Variants in PLEKHM3 observed in about 807,000 individuals in gnomAD.
PLEKHM3 encodes pleckstrin homology domain containing M3.
Under a neutral mutation model 81.8 loss-of-function variants are expected in PLEKHM3, and 45 were observed. That is an observed-to-expected ratio of 0.55 (90% CI 0.43 to 0.71). PLEKHM3 has a LOEUF of 0.71. PLEKHM3 is among the 30% of genes least tolerant of loss of function. PLEKHM3 has a pLI of 0.00. For synonymous variants in PLEKHM3, 352 were observed against 356.4 expected, an observed-to-expected ratio of 0.99 and a Z score of 0.14; for missense variants, 788 against 924.3, an observed-to-expected ratio of 0.85 and a Z score of 1.91.
chr2:207,965,527 G>A (rs978109595), intron 3 of PLEKHM3, among the ~76,000 whole-genome samples: 3 of 152,072 alleles, frequency 2.0e-5, no homozygotes, highest in South Asian at 4.1e-4. Flanking sequence ...CTTCTATGAT[G>A]AGAATACCAG....
intron 6 of PLEKHM3, among the ~76,000 whole-genome samples, chr2:207,870,752 G>C (rs950967369): frequency 6.6e-6 from 1 of 152,154 alleles, no homozygotes; most frequent in Non-Finnish European, 1.5e-5. Context: ...CACCTCACGA[G>C]ACTATTCTGA....
At chr2:207,944,689 G>T (rs932548320) in intron 4 of PLEKHM3, among the ~76,000 whole-genome samples, 2 of 152,064 alleles carry the variant, frequency 1.3e-5, no homozygotes, top group African/African-American at 4.8e-5. Flanking sequence ...ACATCACATC[G>T]AAGTACCTAC....
intron 6 of PLEKHM3, among the ~76,000 whole-genome samples, chr2:207,866,977 T>C (rs904174219): frequency 6.6e-6 from 1 of 152,220 alleles, no homozygotes; most frequent in African/African-American, 2.4e-5. Context: ...ATTTGACAAT[T>C]TTTACCCATA....
chr2:207,876,684 T>A (rs2092561740), intron 6 of PLEKHM3, among the ~76,000 whole-genome samples: 1 of 152,254 alleles, frequency 6.6e-6, no homozygotes, highest in African/African-American at 2.4e-5. Context: ...CTTAAACTTA[T>A]CTCTTTAAAT....
chr2:207,845,657 A>G (rs938296676), intron 7 of PLEKHM3, among the ~76,000 whole-genome samples: 62 of 152,384 alleles, frequency 4.1e-4, no homozygotes, highest in Middle Eastern at 3.4e-3. Flanking sequence ...TACTTAAATA[A>G]TGAATTTCCT....
rs1438720019 is a variant in PLEKHM3, at chr2:207,828,162, A to G, written c.*157T>C. The G allele has an allele frequency of 1.9e-6, 1 of 529,920 alleles. No individual in the cohort carries two copies. Among genetic ancestry groups the G allele is most frequent in the East Asian group, 3.4e-5 (1 of 29,532 alleles). 32.8% of individuals were successfully genotyped at this position (529,920 alleles called of 1,614,324 possible). On this transcript the variant is annotated 3_prime_UTR_variant, in exon 8 of 8. Coordinates refer to ENST00000427836, the MANE Select transcript of PLEKHM3 (RefSeq NM_001080475.3). Reference sequence around the variant, plus strand: ...CACAGAGCATACGTACAGGACGTATAGGTATTTGCGTATATATAAATAAAT... The same window carrying G: ...CACAGAGCATACGTACAGGACGTATGGGTATTTGCGTATATATAAATAAAT...
intron 3 of PLEKHM3, among the ~76,000 whole-genome samples, chr2:207,950,600 C>T (rs958322498): frequency 4.6e-5 from 7 of 152,086 alleles, no homozygotes; most frequent in African/African-American, 7.2e-5. Context: ...AACCCACACG[C>T]GGGACGTTGA....
intron 6 of PLEKHM3, among the ~76,000 whole-genome samples, chr2:207,869,350 C>T (rs1559214379): frequency 6.6e-6 from 1 of 152,066 alleles, no homozygotes; most frequent in South Asian, 2.1e-4. Flanking sequence ...TGTAGCTCTT[C>T]CCCCATTTCC....
intron 3 of PLEKHM3, among the ~76,000 whole-genome samples, chr2:207,972,586 C>CAAAAAA (rs35602924): frequency 3.4e-5 from 2 of 59,610 alleles, no homozygotes; most frequent in African/African-American, 5.7e-5. Context: ...GACTCCGTCT[C>CAAAAAA]AAAAAAAAAA....
Position 207,908,638 on chromosome 2 carries a change from A to G in PLEKHM3, c.1887-61T>C, listed in dbSNP as rs1688703928. Reference sequence around the variant, plus strand: ...TGCTGCCATAACACACATTTTTCTGATAAGTTTCAGTCTCATTCAAGAATT... The same window carrying G: ...TGCTGCCATAACACACATTTTTCTGGTAAGTTTCAGTCTCATTCAAGAATT... On this transcript the variant is annotated intron_variant, in intron 5 of 7. Coordinates refer to ENST00000427836, the MANE Select transcript of PLEKHM3 (RefSeq NM_001080475.3). 6.2e-6 allele frequency: 9 copies of G among 1,457,222 alleles called. No individual in the cohort carries two copies. The East Asian group carries it at 6.9e-5, about 11-fold the overall frequency. 90.3% of individuals were successfully genotyped at this position (1,457,222 alleles called of 1,614,324 possible). A position where few individuals can be genotyped will look rare whatever the true frequency, so the allele number is the denominator to read the frequency against.
chr2:208,023,360 T>A (rs546539643), intron 1 of PLEKHM3, among the ~76,000 whole-genome samples: 77 of 152,106 alleles, frequency 5.1e-4, no homozygotes, highest in African/African-American at 1.8e-3. Context: ...TACATTCACA[T>A]TGTTGTGCAG....
chr2:207,975,762 A>T (rs1327444268), intron 3 of PLEKHM3, among the ~76,000 whole-genome samples: 4 of 151,278 alleles, frequency 2.6e-5, no homozygotes, highest in Admixed American at 6.6e-5. Context: ...AAGCCTGACG[A>T]ATTTTTGCAC....
intron 1 of PLEKHM3, among the ~76,000 whole-genome samples, chr2:208,007,464 AT>A (rs1183982105): frequency 2.0e-5 from 3 of 152,254 alleles, no homozygotes; most frequent in Non-Finnish European, 4.4e-5. Flanking sequence ...GGTGGACCTC[AT>A]AAAAAGAGCT....
At chr2:207,943,503 C>T (rs1217203014) in intron 4 of PLEKHM3, among the ~76,000 whole-genome samples, 1 of 152,192 alleles carries the variant, frequency 6.6e-6, no homozygotes, top group Non-Finnish European at 1.5e-5. Context: ...GCCTAGAGTG[C>T]TACTCCAGTA....
At chr2:207,923,924 T>TTTC (rs1689294104) in intron 5 of PLEKHM3, among the ~76,000 whole-genome samples, 1 of 131,834 alleles carries the variant, frequency 7.6e-6, no homozygotes, top group Non-Finnish European at 1.6e-5. Context: ...TTTTTTTTTT[T>TTTC]CTGAGGCGGA....
chr2:207,896,827 C>T (rs776704176), intron 6 of PLEKHM3, among the ~76,000 whole-genome samples: 6 of 152,176 alleles, frequency 3.9e-5, no homozygotes, highest in Admixed American at 6.5e-5. Context: ...AGCTTCTCTC[C>T]GCAGCTGTAG....
At chr2:207,886,445 T>C (rs995085802) in intron 6 of PLEKHM3, among the ~76,000 whole-genome samples, 2 of 152,260 alleles carry the variant, frequency 1.3e-5, no homozygotes, top group African/African-American at 4.8e-5. Flanking sequence ...GGTATTGTCA[T>C]AGCTGCATTC....
At chr2:207,842,985 C>T (rs2092362903) in intron 7 of PLEKHM3, among the ~76,000 whole-genome samples, 1 of 152,184 alleles carries the variant, frequency 6.6e-6, no homozygotes, top group African/African-American at 2.4e-5. Flanking sequence ...CTCATTCCAT[C>T]ACCCAGGCTG....
intron 6 of PLEKHM3, among the ~76,000 whole-genome samples, chr2:207,865,790 AAAAAAAAAAAAAGATATATATAT>A (rs1329484524): frequency 7.3e-5 from 3 of 40,984 alleles, no homozygotes; most frequent in African/African-American, 4.2e-4. Flanking sequence ...TCAAAAAAAA[AAAAAAAAAAAAAGATATATATAT>A]ATATATATAT....
Sources: gnomAD v4.1 joint callset for allele counts (sites outside exome capture counted in the v4.1 genomes callset) on GRCh38, gnomAD v4.1.1 for gene constraint, MANE v1.5 for transcripts, NCBI Gene and HGNC (gene_info 2026-07-23, HGNC 2026-07-21) for gene names.